The following SLC22A2 variants were observed in gnomAD, a reference collection of about 807,000 sequenced individuals.
SLC22A2 encodes the protein organic cation transporter 2.
SLC22A2 carries 46 observed loss-of-function variants against 60.5 expected under a neutral mutation model. That is an observed-to-expected ratio of 0.76 (90% CI 0.60 to 0.97). The LOEUF (loss-of-function observed/expected upper bound fraction) is 0.97. Ranked by LOEUF, SLC22A2 falls within the 50% of genes least tolerant of loss-of-function variation. SLC22A2 has a pLI of 0.00. For synonymous variants in SLC22A2, 303 were observed against 267.0 expected, an observed-to-expected ratio of 1.13 and a Z score of -1.31; for missense variants, 701 against 706.6, an observed-to-expected ratio of 0.99 and a Z score of 0.09.
intron 3 of SLC22A2, among the ~76,000 whole-genome samples, 165 bp from the exon 4 acceptor site, chr6:160,249,549 T>A (rs1319741506): frequency 1.3e-5 from 2 of 152,382 alleles, no homozygotes; most frequent in East Asian, 3.8e-4. Flanking sequence ...TATTTTGTTA[T>A]AACTATTGCT....
At chr6:160,250,405 G>T in intron 3 of SLC22A2, 143 bp downstream of exon 3, 1 of 762,136 alleles carries the variant, frequency 1.3e-6, no homozygotes, top group Non-Finnish European at 2.2e-6. Context: ...ATGCTTTTAG[G>T]AATTCTTTTG....
chr6:160,241,421 A>C (rs928267439), intron 9 of SLC22A2, 53 bp downstream of exon 9: 1 of 1,110,628 alleles, frequency 9.0e-7, no homozygotes, highest in African/African-American at 1.5e-5. Flanking sequence ...AGAGAAGTGA[A>C]GGTCTCTAGA....
At chr6:160,256,484 C>T in intron 2 of SLC22A2, 130 bp downstream of exon 2, 1 of 651,606 alleles carries the variant, frequency 1.5e-6, no homozygotes, top group Non-Finnish European at 2.7e-6. Context: ...GTAAAAACAC[C>T]AGCATGAAGG....
chr6:160,245,408 G>T (rs1452440807), intron 6 of SLC22A2, 31 bp downstream of exon 6: 1 of 1,214,108 alleles, frequency 8.2e-7, no homozygotes, highest in Non-Finnish European at 1.2e-6. Context: ...AAACAATTTG[G>T]AGGCATTTCA....
chr6:160,232,891 T>C (rs572454127), intron 9 of SLC22A2, among the ~76,000 whole-genome samples: 1 of 152,030 alleles, frequency 6.6e-6, no homozygotes, highest in East Asian at 1.9e-4. Flanking sequence ...GGCAAATGGT[T>C]CTTTGACCAA....
In SLC22A2 at chr6:160,245,391, G is replaced by A. The variant is rs1162208022; in HGVS notation, c.1064+48C>T. 3.7e-6 allele frequency: 4 copies of A among 1,074,110 alleles called. No homozygotes were observed. In the Admixed American group the frequency reaches 7.5e-5, roughly 20 times the overall value. The allele number at this position is 1,074,110 out of a possible 1,614,324, so 66.5% of individuals were successfully genotyped here. Reference sequence around the variant, plus strand: ...CTTCCCTTCCTTACTATGGATGACTGTGATTAAAACAATTTGGAGGCATTT... The same window carrying A: ...CTTCCCTTCCTTACTATGGATGACTATGATTAAAACAATTTGGAGGCATTT... On this transcript the variant is annotated intron_variant, in intron 6 of 10. Transcript: ENST00000366953.
At chr6:160,229,743 C>T (rs934665567) in intron 9 of SLC22A2, among the ~76,000 whole-genome samples, 5 of 151,820 alleles carry the variant, frequency 3.3e-5, no homozygotes, top group African/African-American at 7.3e-5. Context: ...CCTCCTTCTT[C>T]TCCCTTAGCC....
At chr6:160,222,378 C>T (rs115526398) in intron 10 of SLC22A2, among the ~76,000 whole-genome samples, 62 of 152,268 alleles carry the variant, frequency 4.1e-4, no homozygotes, top group African/African-American at 1.2e-3. Flanking sequence ...GGAAATGTGA[C>T]GGCAGGGCTC....
At chr6:160,244,229 C>G (rs1332421749) in intron 6 of SLC22A2, 2 of 159,410 alleles carry the variant, frequency 1.3e-5, no homozygotes, top group Non-Finnish European at 2.8e-5. Flanking sequence ...GGATTACAGA[C>G]GTGTACCACC....
At chr6:160,231,350 C>T (rs1185445862) in intron 9 of SLC22A2, among the ~76,000 whole-genome samples, 1 of 151,766 alleles carries the variant, frequency 6.6e-6, no homozygotes, top group East Asian at 1.9e-4. Context: ...CCAAAGCCTC[C>T]TTTGCGTCTT....
chr6:160,233,073 TC>T (rs1562432961), intron 9 of SLC22A2, among the ~76,000 whole-genome samples: 1 of 152,044 alleles, frequency 6.6e-6, no homozygotes, highest in South Asian at 2.1e-4. Context: ...ATTCCACTAC[TC>T]CCCAGGAATT....
chr6:160,249,648 C>T (rs546610528), intron 3 of SLC22A2, among the ~76,000 whole-genome samples: 7 of 152,286 alleles, frequency 4.6e-5, no homozygotes, highest in Admixed American at 4.6e-4. Context: ...TTATAATTTT[C>T]ATGATGCAAT....
At position 160,251,076 on chromosome 6, in the gene SLC22A2, C is replaced by A. The variant is rs185947646; in HGVS notation, c.519-374G>T. ...ATGTGAGCTGCGGCCTTTGCACTAA[C>A]AATTTCAACCAATTATCCACCCAAG... On this transcript the variant is annotated intron_variant, in intron 2 of 10. Transcript: ENST00000366953. 4.6e-5 allele frequency among the ~76,000 whole-genome samples: 7 copies of A among 152,318 alleles called. No individual in the cohort carries two copies. In the East Asian group the frequency reaches 1.3e-3, roughly 29 times the overall value.
At chr6:160,243,910 C>T (rs1359033582) in intron 6 of SLC22A2, 124 bp from the exon 7 acceptor site, 7 of 643,856 alleles carry the variant, frequency 1.1e-5, no homozygotes, top group Non-Finnish European at 1.6e-5. Context: ...CCTTGCTAGT[C>T]CCCCATCCCA....
chr6:160,217,694 T>C (rs1466883041), intron 10 of SLC22A2, among the ~76,000 whole-genome samples, 196 bp from the exon 11 acceptor site: 1 of 152,152 alleles, frequency 6.6e-6, no homozygotes, highest in Non-Finnish European at 1.5e-5. Flanking sequence ...GTCGACAGAG[T>C]TATTCCTAAA....
chr6:160,258,279 C>A, intron 1 of SLC22A2, 65 bp downstream of exon 1: 2 of 1,521,830 alleles, frequency 1.3e-6, no homozygotes, highest in Non-Finnish European at 8.8e-7. Flanking sequence ...GCCTTCCCTG[C>A]TTGCTTCCTT....
At chr6:160,251,524 T>C (rs1407817670) in intron 2 of SLC22A2, among the ~76,000 whole-genome samples, 2 of 152,132 alleles carry the variant, frequency 1.3e-5, no homozygotes, top group African/African-American at 2.4e-5. Context: ...CCTTCCTTCC[T>C]TTTTTCCTTC....
chr6:160,247,742 G>A (rs561418294), intron 4 of SLC22A2, among the ~76,000 whole-genome samples: 2 of 152,328 alleles, frequency 1.3e-5, no homozygotes, highest in South Asian at 2.1e-4. Context: ...ACTGAAAAGC[G>A]AGACTTCATA....
chr6:160,218,103 C>T (rs1009499366), intron 10 of SLC22A2: 4 of 193,074 alleles, frequency 2.1e-5, no homozygotes, highest in African/African-American at 9.5e-5. Context: ...CTCCCAGCCA[C>T]CCAGCATCTC....
Sources: gnomAD v4.1 joint callset for allele counts (sites outside exome capture counted in the v4.1 genomes callset) on GRCh38, gnomAD v4.1.1 for gene constraint, MANE v1.5 for transcripts, NCBI Gene and HGNC (gene_info 2026-07-23, HGNC 2026-07-21) for gene names.